SAMMSON: variants seen among roughly 807,000 people sequenced by gnomAD.
SAMMSON encodes the protein long intergenic non-protein coding RNA 1212.
chr3:70,158,989 T>A (rs1042355724), intron 4 of SAMMSON, among the ~76,000 whole-genome samples: 4 of 152,048 alleles, frequency 2.6e-5, no homozygotes, highest in Non-Finnish European at 4.4e-5. Flanking sequence ...AGACTTTTCA[T>A]GACATGTTTA....
intron 4 of SAMMSON, among the ~76,000 whole-genome samples, chr3:70,093,215 C>T (rs997736917): frequency 4.6e-5 from 7 of 152,102 alleles, no homozygotes; most frequent in African/African-American, 7.2e-5. Context: ...CAGAATAATG[C>T]GCACTGACAG....
At chr3:70,184,884 A>G (rs1165506101) in intron 4 of SAMMSON, among the ~76,000 whole-genome samples, 1 of 152,166 alleles carries the variant, frequency 6.6e-6, no homozygotes, top group Non-Finnish European at 1.5e-5. Context: ...TGTTCTTAGC[A>G]TGCTGGACCA....
intron 7 of SAMMSON, among the ~76,000 whole-genome samples, chr3:70,352,332 AC>A (rs1211516360): frequency 1.3e-5 from 2 of 152,098 alleles, no homozygotes. Flanking sequence ...CATCAGAGAG[AC>A]CATGGAAGCT....
chr3:70,020,490 A>C (rs2067008760), intron 3 of SAMMSON, among the ~76,000 whole-genome samples: 2 of 152,126 alleles, frequency 1.3e-5, no homozygotes, highest in African/African-American at 4.8e-5. Flanking sequence ...TGGCAGATGA[A>C]TCAACAGAAC....
At chr3:70,413,183 T>A (rs890945566) in intron 2 of SAMMSON, among the ~76,000 whole-genome samples, 1 of 152,134 alleles carries the variant, frequency 6.6e-6, no homozygotes, top group Non-Finnish European at 1.5e-5. Context: ...ACGCCTCTTT[T>A]AGGTACTATA....
intron 4 of SAMMSON, among the ~76,000 whole-genome samples, chr3:70,187,477 G>T (rs1463258967): frequency 1.1e-4 from 12 of 114,236 alleles, no homozygotes; most frequent in African/African-American, 4.2e-4. Flanking sequence ...TCGCTCTGTC[G>T]CCCAGGCTGG....
At chr3:70,415,097 A>G (rs1701253431) in intron 2 of SAMMSON, among the ~76,000 whole-genome samples, 1 of 152,192 alleles carries the variant, frequency 6.6e-6, no homozygotes, top group South Asian at 2.1e-4. Flanking sequence ...GGGAAAATAC[A>G]GGAAATAACA....
intron 4 of SAMMSON, among the ~76,000 whole-genome samples, chr3:70,240,477 TG>T (rs1277627070): frequency 6.6e-6 from 1 of 152,124 alleles, no homozygotes; most frequent in Non-Finnish European, 1.5e-5. Flanking sequence ...CTTTGGAAGT[TG>T]GACCCTAACT....
chr3:70,371,907 G>C (rs1292756656), intron 9 of SAMMSON, among the ~76,000 whole-genome samples: 1 of 152,028 alleles, frequency 6.6e-6, no homozygotes, highest in African/African-American at 2.4e-5. Flanking sequence ...TTCTTGTTTT[G>C]TTCCAGTTCT....
chr3:70,180,223 T>C (rs1197162029), intron 4 of SAMMSON, among the ~76,000 whole-genome samples: 1 of 152,112 alleles, frequency 6.6e-6, no homozygotes, highest in Non-Finnish European at 1.5e-5. Flanking sequence ...TCTTCATAGA[T>C]AAAATGAGTA....
exon 2 of SAMMSON, chr3:70,012,362 C>T (rs1372529344): frequency 6.6e-6 from 1 of 151,674 alleles, no homozygotes; most frequent in East Asian, 1.9e-4. Context: ...TCCAGGTGGG[C>T]TCAATGTCAT....
intron 7 of SAMMSON, among the ~76,000 whole-genome samples, chr3:70,303,948 G>T (rs6768337): frequency 0.11 from 16,821 of 152,214 alleles, 1,063 homozygotes; most frequent in South Asian, 0.14. Context: ...TTCTCAAGGT[G>T]CTGGAATTAC....
intron 4 of SAMMSON, among the ~76,000 whole-genome samples, chr3:70,105,895 T>C (rs73105945): frequency 0.035 from 5,374 of 152,222 alleles, 122 homozygotes; most frequent in Middle Eastern, 0.068. Flanking sequence ...GGAAACCCCC[T>C]CTTCATTCCA....
At chr3:70,279,227 A>G (rs1368465176) in intron 6 of SAMMSON, among the ~76,000 whole-genome samples, 2 of 151,822 alleles carry the variant, frequency 1.3e-5, no homozygotes, top group Non-Finnish European at 2.9e-5. Flanking sequence ...TTTCACAAGA[A>G]CCCTGCAAAG....
At chr3:70,033,993 T>C (rs555241152) in intron 3 of SAMMSON, among the ~76,000 whole-genome samples, 2 of 152,156 alleles carry the variant, frequency 1.3e-5, no homozygotes, top group Admixed American at 6.5e-5. Context: ...CCCAGTAAGA[T>C]TAAATGGACA....
At chr3:70,165,721 G>C (rs1319972156) in intron 4 of SAMMSON, among the ~76,000 whole-genome samples, 1 of 151,936 alleles carries the variant, frequency 6.6e-6, no homozygotes, top group Non-Finnish European at 1.5e-5. Flanking sequence ...CTTAAGTAAA[G>C]GATATGGAAG....
At chr3:70,197,647 G>T (rs1701195298) in intron 4 of SAMMSON, among the ~76,000 whole-genome samples, 1 of 152,194 alleles carries the variant, frequency 6.6e-6, no homozygotes. Context: ...TTTCGACATG[G>T]ATTCCCATAA....
chr3:70,081,811 G>A (rs894286004), intron 4 of SAMMSON, among the ~76,000 whole-genome samples: 1 of 152,170 alleles, frequency 6.6e-6, no homozygotes, highest in Non-Finnish European at 1.5e-5. Flanking sequence ...TGCTTTTCCT[G>A]AAATTAATCC....
downstream of SAMMSON, among the ~76,000 whole-genome samples, chr3:70,392,681 A>G (rs939465534): frequency 5.3e-5 from 8 of 151,898 alleles, no homozygotes; most frequent in Non-Finnish European, 8.8e-5. Context: ...CGACTTTGCG[A>G]CCCCGACTAA....
Sources: gnomAD v4.1 joint callset for allele counts (sites outside exome capture counted in the v4.1 genomes callset) on GRCh38, gnomAD v4.1.1 for gene constraint, MANE v1.5 for transcripts, NCBI Gene and HGNC (gene_info 2026-07-23, HGNC 2026-07-21) for gene names.